The following KCNIP4 variants were observed in gnomAD, a reference collection of about 807,000 sequenced individuals.
KCNIP4 encodes potassium voltage-gated channel interacting protein 4.
KCNIP4 carries 12 observed loss-of-function variants against 34.0 expected under a neutral mutation model. That is an observed-to-expected ratio of 0.35 (90% confidence interval 0.23 to 0.57). KCNIP4 has a LOEUF of 0.57. KCNIP4 is among the 20% of genes least tolerant of loss of function. The probability of loss-of-function intolerance (pLI) is 0.83; values close to 1 mark genes in which losing one functional copy is unlikely to be tolerated. For missense variants in KCNIP4, 238 were observed against 311.7 expected, an observed-to-expected ratio of 0.76 and a Z score of 1.78; for synonymous variants, 124 against 102.2, an observed-to-expected ratio of 1.21 and a Z score of -1.29.
intron 1 of KCNIP4, among the ~76,000 whole-genome samples, chr4:21,302,721 G>T (rs754976884): frequency 1.3e-5 from 2 of 151,616 alleles, no homozygotes; most frequent in Non-Finnish European, 1.5e-5. Flanking sequence ...TGCATCCCCC[G>T]CCCCATGAGT....
At chr4:21,771,714 T>C (rs959645520) in intron 1 of KCNIP4, among the ~76,000 whole-genome samples, 20 of 152,174 alleles carry the variant, frequency 1.3e-4, no homozygotes, top group African/African-American at 3.9e-4. Context: ...TCATTCATGA[T>C]TTAGCTCTCG....
chr4:21,499,458 T>C (rs572623587), intron 1 of KCNIP4, among the ~76,000 whole-genome samples: 2 of 152,264 alleles, frequency 1.3e-5, no homozygotes, highest in South Asian at 4.1e-4. Flanking sequence ...AATGGAATTC[T>C]GTGGTAGCAT....
intron 1 of KCNIP4, among the ~76,000 whole-genome samples, chr4:21,458,766 C>T (rs1189534537): frequency 6.6e-6 from 1 of 152,030 alleles, no homozygotes; most frequent in African/African-American, 2.4e-5. Context: ...TTTCTTACAC[C>T]TGTCCCATCC....
rs1723779487 is a variant in KCNIP4 at position 21,842,989 on chromosome 4, G to A, written c.61+105582C>T. Reference sequence around the variant, plus strand: ...TAATAAGTGCTCAGTAAAAATTAGTGTTTCATACCTACATTTCAGAATTAA... The same window carrying A: ...TAATAAGTGCTCAGTAAAAATTAGTATTTCATACCTACATTTCAGAATTAA... On this transcript the variant is annotated intron_variant, in intron 1 of 8. Transcript: ENST00000382152. 6.6e-5 allele frequency among the ~76,000 whole-genome samples: 10 copies of A among 151,962 alleles called. 1 individual carries two copies. Among genetic ancestry groups the A allele is most frequent in the Admixed American group, 6.6e-4 (10 of 15,222 alleles).
intron 1 of KCNIP4, among the ~76,000 whole-genome samples, chr4:20,944,659 G>A (rs1007670223): frequency 5.9e-5 from 9 of 152,140 alleles, no homozygotes; most frequent in South Asian, 2.1e-4. Flanking sequence ...CAGCTTGCCC[G>A]AGGCTTTGCA....
rs559987094 is a variant in KCNIP4 at position 21,933,173 on chromosome 4, T to G, written c.61+15398A>C. Among the ~76,000 whole-genome samples the G allele has an allele frequency of 4.6e-5, 7 of 152,252 alleles. No homozygotes were observed. The East Asian group carries it at 1.4e-3, about 29-fold the overall frequency. On this transcript the variant is annotated intron_variant, in intron 1 of 8. Coordinates refer to ENST00000382152, the MANE Select transcript of KCNIP4 (RefSeq NM_025221.6). ...TGCTGATTATAGAAATATTGTCTTC[T>G]GTTTTTTGCTGGGTGCAGGGACCAA...
chr4:20,759,911 C>T (rs1204795188), intron 3 of KCNIP4, among the ~76,000 whole-genome samples: 4 of 152,140 alleles, frequency 2.6e-5, no homozygotes, highest in Non-Finnish European at 5.9e-5. Flanking sequence ...TCCAGGACCA[C>T]CGCGGATACC....
intron 2 of KCNIP4, among the ~76,000 whole-genome samples, chr4:20,859,282 T>G (rs1007960353): frequency 6.6e-6 from 1 of 152,174 alleles, no homozygotes; most frequent in Non-Finnish European, 1.5e-5. Flanking sequence ...AATGTTTGTT[T>G]GAGACAAAAA....
At chr4:21,050,498 C>G (rs1364271698) in intron 1 of KCNIP4, among the ~76,000 whole-genome samples, 1 of 151,944 alleles carries the variant, frequency 6.6e-6, no homozygotes, top group Non-Finnish European at 1.5e-5. Context: ...AGTTAAAGAC[C>G]AAAATTTTAA....
At chr4:21,419,340 A>AG (rs1181344151) in intron 1 of KCNIP4, among the ~76,000 whole-genome samples, 2 of 152,116 alleles carry the variant, frequency 1.3e-5, no homozygotes, top group Non-Finnish European at 2.9e-5. Flanking sequence ...ATTATGTGAT[A>AG]TATACACCAG....
In KCNIP4 at chr4:21,804,224, G is replaced by T. The variant is rs754235186; in HGVS notation, c.61+144347C>A. 6.6e-5 allele frequency among the ~76,000 whole-genome samples: 10 copies of T among 152,222 alleles called. No homozygotes were observed. The South Asian group carries it at 8.3e-4, about 13-fold the overall frequency. ...AAGAAGGACAATGCAAGGCTAAAAT[G>T]ATGGTAAAGAAACAGCAGTCATGTT... On this transcript the variant is annotated intron_variant, in intron 1 of 8. Transcript: ENST00000382152.
At chr4:20,937,389 C>A (rs1389161737) in intron 1 of KCNIP4, among the ~76,000 whole-genome samples, 1 of 151,654 alleles carries the variant, frequency 6.6e-6, no homozygotes, top group Non-Finnish European at 1.5e-5. Flanking sequence ...CGCCCGTCAC[C>A]ATGCCCGGCT....
chr4:21,884,639 G>A (rs981418716), intron 1 of KCNIP4, among the ~76,000 whole-genome samples: 2 of 152,048 alleles, frequency 1.3e-5, no homozygotes, highest in Non-Finnish European at 2.9e-5. Context: ...AAAGAAAGGA[G>A]GGATGGAGAG....
intron 1 of KCNIP4, among the ~76,000 whole-genome samples, chr4:21,749,265 C>A (rs533811218): frequency 6.6e-6 from 1 of 152,104 alleles, no homozygotes; most frequent in Admixed American, 6.6e-5. Context: ...AAAATTGATG[C>A]CAAACCTAAG....
chr4:20,963,376 AAC>A (rs146078437), intron 1 of KCNIP4, among the ~76,000 whole-genome samples: 2,898 of 152,188 alleles, frequency 0.019, 96 homozygotes, highest in African/African-American at 0.067. Flanking sequence ...ATAATAAAAT[AAC>A]ACACTATTAC....
intron 1 of KCNIP4, among the ~76,000 whole-genome samples, chr4:21,135,396 C>A (rs951078641): frequency 6.6e-6 from 1 of 152,124 alleles, no homozygotes; most frequent in Non-Finnish European, 1.5e-5. Context: ...TAAAGATGTG[C>A]AAAGCATCCC....
chr4:20,933,233 G>A (rs1037537084), intron 1 of KCNIP4, among the ~76,000 whole-genome samples: 3 of 151,962 alleles, frequency 2.0e-5, no homozygotes, highest in Non-Finnish European at 2.9e-5. Flanking sequence ...GACAGAATGA[G>A]ACTCTGTCTC....
intron 1 of KCNIP4, among the ~76,000 whole-genome samples, chr4:21,755,716 G>A (rs529785809): frequency 1.3e-5 from 2 of 152,292 alleles, no homozygotes; most frequent in Admixed American, 6.5e-5. Flanking sequence ...AAAAAAACCT[G>A]TAGTTAATCA....
intron 1 of KCNIP4, among the ~76,000 whole-genome samples, chr4:21,349,477 T>G (rs1717787145): frequency 2.0e-5 from 3 of 152,184 alleles, no homozygotes; most frequent in South Asian, 2.1e-4. Context: ...ACTAGTATAG[T>G]GCATGCAATG....
Sources: gnomAD v4.1 joint callset for allele counts (sites outside exome capture counted in the v4.1 genomes callset) on GRCh38, gnomAD v4.1.1 for gene constraint, MANE v1.5 for transcripts, NCBI Gene and HGNC (gene_info 2026-07-23, HGNC 2026-07-21) for gene names.